LIMCH1: variants seen among roughly 807,000 people sequenced by gnomAD.
The protein encoded by LIMCH1 is LIM and calponin homology domains 1.
A neutral mutation model predicts 176.5 loss-of-function variants in LIMCH1; 113 were observed. That is an observed-to-expected ratio of 0.64 (90% CI 0.55 to 0.75). LIMCH1 has a LOEUF of 0.75. LIMCH1 is among the 30% of genes least tolerant of loss of function. The pLI is 0.00. For synonymous variants in LIMCH1, 619 were observed against 645.9 expected, an observed-to-expected ratio of 0.96 and a Z score of 0.63; for missense variants, 1,674 against 1,814.9, an observed-to-expected ratio of 0.92 and a Z score of 1.41.
At chr4:41,644,759 T>A in intron 15 of LIMCH1, 133 bp downstream of exon 15, 1 of 1,092,120 alleles carries the variant, frequency 9.2e-7, no homozygotes, top group East Asian at 2.9e-5. Context: ...GGTGACACGG[T>A]AAATGTGGGA....
chr4:41,527,633 C>A (rs560703373), intron 3 of LIMCH1, among the ~76,000 whole-genome samples: 4 of 152,134 alleles, frequency 2.6e-5, no homozygotes, highest in African/African-American at 9.6e-5. Flanking sequence ...CAGGAGATTG[C>A]GACCACGGTA....
In LIMCH1 at chr4:41,626,927, T is replaced by G. The variant is rs1229113014; in HGVS notation, c.945T>G (p.Tyr315Ter). Reference protein sequence around the residue: ...VPLNQLLYGPYPKKGAEKSDG... With the variant: ...VPLNQLLYGP ...TAAATCAACTCCTCTATGGCCCTTATCCAAAGAAAGGGGCAGAGAAATCAG... is the reference window on the plus strand; with the variant it reads ...TAAATCAACTCCTCTATGGCCCTTAGCCAAAGAAAGGGGCAGAGAAATCAG... The change falls in exon 8 of 32, where the codon TAT (tyrosine) becomes TAG (stop). Residue 315 changes from tyrosine (Y) to a stop codon, truncating the protein, a stop_gained. Transcript: ENST00000503057. LOFTEE classifies it high-confidence loss of function. 1 of 1,535,864 alleles carries G rather than the reference T, an allele frequency of 6.5e-7. No homozygotes were observed. Among genetic ancestry groups the G allele is most frequent in the Admixed American group, 2.0e-5 (1 of 50,976 alleles).
intron 1 of LIMCH1, among the ~76,000 whole-genome samples, chr4:41,362,759 A>G (rs948648490): frequency 1.3e-5 from 2 of 152,154 alleles, no homozygotes; most frequent in African/African-American, 4.8e-5. Flanking sequence ...TTTGGCCCAG[A>G]TTACAGTTTG....
intron 1 of LIMCH1, among the ~76,000 whole-genome samples, chr4:41,372,224 C>T (rs748515853): frequency 3.3e-5 from 5 of 152,124 alleles, no homozygotes; most frequent in African/African-American, 9.7e-5. Flanking sequence ...TGTAATCTTC[C>T]GTTTGTTCTG....
At chr4:41,388,789 C>G (rs951050981) in intron 1 of LIMCH1, among the ~76,000 whole-genome samples, 1 of 152,064 alleles carries the variant, frequency 6.6e-6, no homozygotes, top group African/African-American at 2.4e-5. Flanking sequence ...ATTACAGGCA[C>G]CTGCCACCAC....
intron 3 of LIMCH1, among the ~76,000 whole-genome samples, chr4:41,531,158 T>A (rs1250594949): frequency 6.6e-6 from 1 of 152,150 alleles, no homozygotes; most frequent in Middle Eastern, 3.2e-3. Context: ...CTCAACACTT[T>A]CCGAACATTT....
intron 2 of LIMCH1, among the ~76,000 whole-genome samples, chr4:41,512,614 C>CCTTGGATGAAT (rs1382394101): frequency 3.3e-5 from 5 of 152,000 alleles, no homozygotes; most frequent in Non-Finnish European, 5.9e-5. Flanking sequence ...CATGGATGAA[C>CCTTGGATGAAT]CTTAAAAGCA....
At chr4:41,381,650 G>A (rs2055689771) in intron 1 of LIMCH1, among the ~76,000 whole-genome samples, 2 of 152,168 alleles carry the variant, frequency 1.3e-5, no homozygotes, top group Admixed American at 1.3e-4. Context: ...CCTGTTCCAA[G>A]CTTAGGCTGT....
chr4:41,635,425 G>A (rs571771603), intron 13 of LIMCH1, among the ~76,000 whole-genome samples: 5 of 152,070 alleles, frequency 3.3e-5, no homozygotes, highest in Admixed American at 6.6e-5. Flanking sequence ...ACGGGGTTTC[G>A]CTGTGTTGGC....
chr4:41,426,702 GGA>G lies in LIMCH1; in HGVS notation c.96+65767_96+65768del, dbSNP rs951721710. 1.1e-4 allele frequency among the ~76,000 whole-genome samples: 16 copies of G among 152,246 alleles called. No homozygotes were observed. The South Asian group carries it at 2.7e-3, about 26-fold the overall frequency. ...CCCTTTTAAACTTAAGAGTTGGCAC[GGA>G]AACATTATTGCTCAAAAGAGCCACC... On this transcript the variant is annotated intron_variant, in intron 1 of 26. Coordinates refer to the LIMCH1 transcript ENST00000313860.
At chr4:41,546,840 T>C (rs946587455) in intron 1 of LIMCH1, among the ~76,000 whole-genome samples, 2 of 151,740 alleles carry the variant, frequency 1.3e-5, no homozygotes, top group African/African-American at 4.8e-5. Context: ...CATATATATA[T>C]GGAGAGAGAG....
At chr4:41,677,563 G>T (rs1424490444) in intron 23 of LIMCH1, among the ~76,000 whole-genome samples, 1 of 152,180 alleles carries the variant, frequency 6.6e-6, no homozygotes, top group East Asian at 1.9e-4. Context: ...AGGTAACCTA[G>T]CAACCTAAAG....
chr4:41,689,493 A>G (rs920766443), intron 29 of LIMCH1, 34 bp from the exon 30 acceptor site: 1 of 1,173,942 alleles, frequency 8.5e-7, no homozygotes, highest in Non-Finnish European at 1.3e-6. Flanking sequence ...TTCTAAACTG[A>G]AGTTTTTATT....
chr4:41,521,894 A>G (rs897903795), intron 2 of LIMCH1, among the ~76,000 whole-genome samples: 2 of 152,172 alleles, frequency 1.3e-5, no homozygotes, highest in African/African-American at 4.8e-5. Context: ...TAATTTTTAC[A>G]AAGGATGAAT....
intron 31 of LIMCH1, 194 bp downstream of exon 31, chr4:41,692,578 G>A: frequency 1.9e-6 from 1 of 514,528 alleles, no homozygotes; most frequent in Non-Finnish European, 3.5e-6. Context: ...CTACAATGTG[G>A]ACCAATTCTT....
At chr4:41,582,657 G>A (rs188015405) in intron 1 of LIMCH1, among the ~76,000 whole-genome samples, 2 of 152,188 alleles carry the variant, frequency 1.3e-5, no homozygotes, top group Admixed American at 6.5e-5. Flanking sequence ...TGGAAAATGG[G>A]GATAATAATA....
intron 31 of LIMCH1, among the ~76,000 whole-genome samples, 188 bp from the exon 32 acceptor site, chr4:41,696,972 A>G (rs1731174972): frequency 6.6e-6 from 1 of 152,178 alleles, no homozygotes; most frequent in Non-Finnish European, 1.5e-5. Context: ...GATTTCAAAC[A>G]GACTCCAGGT....
At chr4:41,686,685 A>G (rs1721042672) in intron 28 of LIMCH1, among the ~76,000 whole-genome samples, 1 of 152,222 alleles carries the variant, frequency 6.6e-6, no homozygotes, top group Non-Finnish European at 1.5e-5. Flanking sequence ...GGGAATGACA[A>G]TAGTCCCTAC....
chr4:41,550,452 T>C (rs2080241326), intron 1 of LIMCH1, among the ~76,000 whole-genome samples: 1 of 152,112 alleles, frequency 6.6e-6, no homozygotes. Context: ...TCACCATCTC[T>C]AGGTGCCTCA....
Sources: allele counts gnomAD v4.1 joint callset (sites outside exome capture counted in the v4.1 genomes callset), GRCh38; gene constraint gnomAD v4.1.1; transcripts MANE v1.5; gene names NCBI Gene and HGNC (gene_info 2026-07-23, HGNC 2026-07-21).